The following RBL2 variants were observed in gnomAD, a reference collection of about 807,000 sequenced individuals.
RBL2 encodes retinoblastoma-like protein 2.
In RBL2, 56 loss-of-function variants were observed where a neutral mutation model predicts 126.0. That is an observed-to-expected ratio of 0.44 (90% CI 0.36 to 0.56). The LOEUF is 0.56. RBL2 is among the 20% of genes least tolerant of loss of function. RBL2 has a pLI of 0.00. For synonymous variants in RBL2, 454 were observed against 478.5 expected, an observed-to-expected ratio of 0.95 and a Z score of 0.67; for missense variants, 1,229 against 1,398.2, an observed-to-expected ratio of 0.88 and a Z score of 1.93.
In RBL2 at chr16:53,457,258, C is replaced by CCTTTTTT. The variant is rs1555566426; in HGVS notation, c.1180-2193_1180-2192insCTTTTTT. Among the ~76,000 whole-genome samples, 343 of 89,862 alleles carry CCTTTTTT rather than the reference C, an allele frequency of 3.8e-3. 24 individuals are homozygous for CCTTTTTT. Among genetic ancestry groups the CCTTTTTT allele is most frequent in the African/African-American group, 8.9e-3 (148 of 16,704 alleles). The allele number at this position is 89,862 out of a possible 152,430, so 59.0% of individuals were successfully genotyped here. ...GGGTCATCAGGGTGGGTACAGATAGCTTTTTTTTTTTTTTTTTTTGAGATG... is the reference window on the plus strand; with the variant it reads ...GGGTCATCAGGGTGGGTACAGATAGCCTTTTTTTTTTTTTTTTTTTTTTTTTGAGATG... On this transcript the variant is annotated intron_variant, in intron 8 of 21. Coordinates refer to ENST00000262133, the MANE Select transcript of RBL2 (RefSeq NM_005611.4).
intron 2 of RBL2, among the ~76,000 whole-genome samples, chr16:53,441,856 T>C (rs551490962): frequency 7.2e-4 from 109 of 152,190 alleles, no homozygotes; most frequent in African/African-American, 2.5e-3. Flanking sequence ...GAGTCTCGCA[T>C]TGTCGCCAGG....
In RBL2 at chr16:53,461,957, A is replaced by C. The variant is rs2058225647; in HGVS notation, c.1456+107A>C. 5.0e-6 allele frequency: 5 copies of C among 1,008,704 alleles called. No homozygotes were observed. The South Asian group carries it at 7.1e-5, about 14-fold the overall frequency. 62.5% of individuals were successfully genotyped at this position (1,008,704 alleles called of 1,614,324 possible). A position where few individuals can be genotyped will look rare whatever the true frequency, so the allele number is the denominator to read the frequency against. ...GGAAAAGATTTATGACTTTAGACTG[A>C]AGGCTAGGATATGGCTGTCCAATTT... On this transcript the variant is annotated intron_variant, in intron 10 of 21. Transcript: ENST00000262133.
intron 14 of RBL2, among the ~76,000 whole-genome samples, chr16:53,468,254 C>G (rs1288392803): frequency 6.6e-6 from 1 of 152,126 alleles, no homozygotes; most frequent in East Asian, 1.9e-4. Context: ...AGGATTCACT[C>G]TAGGCTGGGC....
chr16:53,445,619 C>T (rs7187138), intron 3 of RBL2, among the ~76,000 whole-genome samples: 7,881 of 152,240 alleles, frequency 0.052, 616 homozygotes, highest in African/African-American at 0.17. Flanking sequence ...AAACTGACTG[C>T]GGGAACCCAT....
At chr16:53,463,561 CTTTTTTTT>C (rs770657237) in intron 11 of RBL2, among the ~76,000 whole-genome samples, 3 of 94,404 alleles carry the variant, frequency 3.2e-5, no homozygotes, top group Admixed American at 1.3e-4. Flanking sequence ...TTTTTTTTTC[CTTTTTTTT>C]TTTTTTTTTT....
rs2153138545 is a variant in RBL2, at chr16:53,442,842, C to T, written c.556C>T (p.Arg186Ter). 1 of 1,611,760 alleles carries T rather than the reference C, an allele frequency of 6.2e-7. No homozygotes were observed. Among genetic ancestry groups the T allele is most frequent in the South Asian group, 1.1e-5 (1 of 90,824 alleles). The change falls in exon 3 of 22, where the codon CGA (arginine) becomes TGA (stop). Residue 186 changes from arginine (R) to a stop codon, truncating the protein, a stop_gained. Coordinates refer to ENST00000262133, the MANE Select transcript of RBL2 (RefSeq NM_005611.4). LOFTEE classifies it high-confidence loss of function. ...YPQEEQPRQQRGRKQRRQPCT... is the reference protein window; with the variant it reads ...YPQEEQPRQQ ...TCAAGAGGAGCAACCTCGTCAGCAG[C>T]GAGGAAGGAAACAGCGGTAGGTTTT...
chr16:53,463,179 A>T (rs541702145), intron 11 of RBL2, among the ~76,000 whole-genome samples: 1 of 152,292 alleles, frequency 6.6e-6, no homozygotes, highest in East Asian at 1.9e-4. Context: ...GCTTTTAATT[A>T]AAAAATAATA....
Position 53,453,435 on chromosome 16 carries a change from G to C in RBL2, c.767-17G>C. 6.3e-7 allele frequency: 1 copy of C among 1,593,082 alleles called. No homozygotes were observed. Among genetic ancestry groups the C allele is most frequent in the Non-Finnish European group, 8.6e-7 (1 of 1,166,602 alleles). ...TTGTGTGCTGATATCTCTGTTTTGT[G>C]ATTCTATACACCATAGGCTTATCTG... On this transcript the variant is annotated splice_polypyrimidine_tract_variant and intron_variant, in intron 5 of 21. Transcript: ENST00000262133.
At chr16:53,458,805 G>A (rs544375818) in intron 8 of RBL2, among the ~76,000 whole-genome samples, 13 of 152,216 alleles carry the variant, frequency 8.5e-5, no homozygotes, top group South Asian at 4.1e-4. Flanking sequence ...GTCAGATCTC[G>A]CGAGACGTAT....
intron 14 of RBL2, among the ~76,000 whole-genome samples, chr16:53,469,575 A>G (rs1598116715): frequency 6.6e-6 from 1 of 152,336 alleles, no homozygotes; most frequent in Middle Eastern, 3.4e-3. Context: ...AAAATATAAT[A>G]TAGAAAAATA....
At chr16:53,443,641 T>C (rs1024601462) in intron 3 of RBL2, among the ~76,000 whole-genome samples, 12 of 152,144 alleles carry the variant, frequency 7.9e-5, no homozygotes, top group African/African-American at 2.9e-4. Context: ...TCATTGAAAG[T>C]TTTTTCATAA....
At chr16:53,436,980 G>A (rs1195994609) in intron 1 of RBL2, among the ~76,000 whole-genome samples, 1 of 152,028 alleles carries the variant, frequency 6.6e-6, no homozygotes, top group African/African-American at 2.4e-5. Flanking sequence ...TGTCATCTAA[G>A]CACTGTAAAA....
At chr16:53,438,944 C>T (rs2057986016) in intron 1 of RBL2, 72 bp from the exon 2 acceptor site, 2 of 881,120 alleles carry the variant, frequency 2.3e-6, no homozygotes, top group Non-Finnish European at 2.9e-6. Flanking sequence ...TCAATTTAAA[C>T]ATACTTTTAA....
chr16:53,448,925 G>A (rs952938023), intron 4 of RBL2: 2 of 152,176 alleles, frequency 1.3e-5, no homozygotes, highest in Admixed American at 1.3e-4. Flanking sequence ...GTGTTACATT[G>A]TTGGTCTCCA....
intron 9 of RBL2, among the ~76,000 whole-genome samples, chr16:53,460,193 C>T (rs2058206937): frequency 6.6e-6 from 1 of 152,186 alleles, no homozygotes; most frequent in African/African-American, 2.4e-5. Flanking sequence ...GGCTGAATCT[C>T]ATCATCTTAT....
In RBL2 at chr16:53,457,258, C is replaced by CTTTTTTTTTTTTTTTTTTTTTTTTT. The variant is rs756763534; in HGVS notation, c.1180-2174_1180-2173insTTTTTTTTTTTTTTTTTTTTTTTTT. Among the ~76,000 whole-genome samples, 53 of 89,928 alleles carry CTTTTTTTTTTTTTTTTTTTTTTTTT rather than the reference C, an allele frequency of 5.9e-4. 2 individuals carry two copies. The highest frequency in any genetic ancestry group is 9.6e-4 in the African/African-American group (16 of 16,712). 59.0% of individuals were successfully genotyped at this position (89,928 alleles called of 152,430 possible). A position where few individuals can be genotyped will look rare whatever the true frequency, so the allele number is the denominator to read the frequency against. ...GGGTCATCAGGGTGGGTACAGATAG[C>CTTTTTTTTTTTTTTTTTTTTTTTTT]TTTTTTTTTTTTTTTTTTTGAGATG... On this transcript the variant is annotated intron_variant, in intron 8 of 21. Transcript: ENST00000262133.
chr16:53,475,746 T>G (rs1960701942), intron 17 of RBL2, among the ~76,000 whole-genome samples: 1 of 151,848 alleles, frequency 6.6e-6, no homozygotes, highest in African/African-American at 2.4e-5. Context: ...AGGTAATTAA[T>G]TTACTATTTC....
intron 20 of RBL2, 37 bp from the exon 21 acceptor site, chr16:53,481,631 ATTT>A (rs1377063021): frequency 1.2e-5 from 17 of 1,445,690 alleles, no homozygotes; most frequent in Non-Finnish European, 1.6e-5. Context: ...ATAATTATAA[ATTT>A]TTTTCTTAGA....
rs139276941 is a variant in RBL2, at chr16:53,480,477, G to A, written c.2882-90G>A. The A allele has an allele frequency of 9.4e-6, 10 of 1,067,782 alleles. No individual in the cohort carries two copies. In the African/African-American group the frequency reaches 1.1e-4, roughly 12 times the overall value. 66.1% of individuals were successfully genotyped at this position (1,067,782 alleles called of 1,614,324 possible). On this transcript the variant is annotated intron_variant, in intron 19 of 21. Transcript: ENST00000262133. The stretch of plus-strand genomic sequence containing the variant: ...TCACTGTTATTAGCAAGTAGTGCAG[G>A]TAGCTGTTCCCTTTCTCCTACTTTT...
Sources: gnomAD v4.1 joint callset for allele counts (sites outside exome capture counted in the v4.1 genomes callset) on GRCh38, gnomAD v4.1.1 for gene constraint, MANE v1.5 for transcripts, NCBI Gene and HGNC (gene_info 2026-07-23, HGNC 2026-07-21) for gene names.